Variants in MTUS2 observed in about 807,000 individuals in gnomAD.
MTUS2 encodes microtubule associated scaffold protein 2, also known as microtubule-associated tumor suppressor candidate 2.
MTUS2 carries 40 observed loss-of-function variants against 114.1 expected under a neutral mutation model. That is an observed-to-expected ratio of 0.35 (90% CI 0.27 to 0.46). MTUS2 has a LOEUF of 0.46. Among genes scored for constraint, MTUS2 ranks in the 20% least tolerant of loss-of-function variants. The pLI, the probability that MTUS2 is intolerant of heterozygous loss-of-function variation, is 1.00. For missense variants in MTUS2, 1,679 were observed against 1,705.4 expected, an observed-to-expected ratio of 0.98 and a Z score of 0.27; for synonymous variants, 688 against 672.0, an observed-to-expected ratio of 1.02 and a Z score of -0.37.
chr13:28,967,794 A>G (rs756313437), intron 2 of MTUS2, among the ~76,000 whole-genome samples: 8 of 152,076 alleles, frequency 5.3e-5, no homozygotes, highest in Non-Finnish European at 1.0e-4. Flanking sequence ...AGCCCAGCAT[A>G]TGTTCCAGGA....
chr13:29,356,997 G>A (rs930417343), intron 7 of MTUS2, among the ~76,000 whole-genome samples: 3 of 152,146 alleles, frequency 2.0e-5, no homozygotes, highest in Admixed American at 6.5e-5. Context: ...CGGGTTGTTC[G>A]CTGGCCCCAG....
intron 4 of MTUS2, among the ~76,000 whole-genome samples, chr13:29,092,332 C>CT (rs371351377): frequency 2.8e-4 from 42 of 151,912 alleles, no homozygotes; most frequent in Admixed American, 6.6e-4. Context: ...TTGTTTTAGC[C>CT]TTTTTTTTGC....
At chr13:29,091,569 C>A (rs1889952349) in intron 4 of MTUS2, among the ~76,000 whole-genome samples, 3 of 152,118 alleles carry the variant, frequency 2.0e-5, no homozygotes, top group African/African-American at 7.2e-5. Flanking sequence ...TCACATGATC[C>A]AGTCTTCCCC....
At chr13:29,317,795 GA>G (rs1900069469) in intron 6 of MTUS2, among the ~76,000 whole-genome samples, 1 of 151,936 alleles carries the variant, frequency 6.6e-6, no homozygotes, top group Non-Finnish European at 1.5e-5. Flanking sequence ...TATTCTGATC[GA>G]GATAATGTTT....
intron 3 of MTUS2, among the ~76,000 whole-genome samples, chr13:29,032,661 T>G (rs1720863463): frequency 6.6e-6 from 1 of 152,226 alleles, no homozygotes; most frequent in African/African-American, 2.4e-5. Flanking sequence ...AGGCCTAATC[T>G]TTTGTTTCTA....
intron 5 of MTUS2, among the ~76,000 whole-genome samples, chr13:29,265,250 A>G (rs1012936650): frequency 6.6e-6 from 1 of 152,202 alleles, no homozygotes; most frequent in Non-Finnish European, 1.5e-5. Context: ...TGTAACATGG[A>G]TGACCTTTGC....
intron 2 of MTUS2, among the ~76,000 whole-genome samples, chr13:29,017,643 G>A (rs1478375633): frequency 1.3e-5 from 2 of 151,872 alleles, no homozygotes; most frequent in East Asian, 3.9e-4. Context: ...CTCTTGGGAG[G>A]ACGTCTAACC....
intron 2 of MTUS2, among the ~76,000 whole-genome samples, chr13:28,868,910 G>C (rs1443619816): frequency 6.6e-6 from 1 of 152,166 alleles, no homozygotes; most frequent in Non-Finnish European, 1.5e-5. Flanking sequence ...CAGATCCCTT[G>C]TGCTCCTCTG....
intron 5 of MTUS2, among the ~76,000 whole-genome samples, chr13:29,233,514 G>A (rs536392173): frequency 2.0e-5 from 3 of 152,280 alleles, no homozygotes; most frequent in African/African-American, 4.8e-5. Flanking sequence ...TCTGAAGCAC[G>A]TAGCTGAATA....
intron 5 of MTUS2, among the ~76,000 whole-genome samples, chr13:29,200,455 A>G (rs1460924011): frequency 6.7e-6 from 1 of 149,842 alleles, no homozygotes; most frequent in Non-Finnish European, 1.5e-5. Flanking sequence ...TTTACCCAGT[A>G]GTCATTCAGG....
At chr13:29,105,943 T>C (rs928896763) in intron 5 of MTUS2, among the ~76,000 whole-genome samples, 3 of 152,182 alleles carry the variant, frequency 2.0e-5, no homozygotes, top group Non-Finnish European at 2.9e-5. Context: ...TTCCTGAATC[T>C]GAGGAGTTGC....
At chr13:29,003,772 T>C (rs3899583) in intron 2 of MTUS2, among the ~76,000 whole-genome samples, 2,722 of 151,924 alleles carry the variant, frequency 0.018, 82 homozygotes, top group African/African-American at 0.062. Context: ...AGCAAGGGAG[T>C]GCTGGGCATG....
chr13:29,440,883 G>C (rs567755992), intron 9 of MTUS2, among the ~76,000 whole-genome samples: 3 of 152,158 alleles, frequency 2.0e-5, no homozygotes, highest in Non-Finnish European at 4.4e-5. Context: ...TAGGCAGAAG[G>C]CTGAACTTCC....
At chr13:29,439,912 A>C in intron 8 of MTUS2, 71 bp from the exon 9 acceptor site, 1 of 1,141,640 alleles carries the variant, frequency 8.8e-7, no homozygotes, top group East Asian at 2.6e-5. Flanking sequence ...ACGATTCATT[A>C]ATTAATCATG....
intron 1 of MTUS2, among the ~76,000 whole-genome samples, chr13:28,824,128 G>T (rs1874101458): frequency 1.3e-5 from 2 of 152,172 alleles, no homozygotes; most frequent in African/African-American, 4.8e-5. Flanking sequence ...AGCCTCACTT[G>T]CATTCCTACC....
intron 8 of MTUS2, among the ~76,000 whole-genome samples, chr13:29,429,524 A>G (rs1013917864): frequency 2.6e-5 from 4 of 152,230 alleles, no homozygotes; most frequent in African/African-American, 4.8e-5. Flanking sequence ...GGAACTGAAA[A>G]TAGAGTATGC....
At chr13:29,233,845 G>A (rs1896431447) in intron 5 of MTUS2, among the ~76,000 whole-genome samples, 1 of 152,204 alleles carries the variant, frequency 6.6e-6, no homozygotes. Flanking sequence ...TCCCATTTCA[G>A]AAGGTTATTC....
chr13:29,054,929 A>G (rs1888062955), intron 4 of MTUS2, among the ~76,000 whole-genome samples: 3 of 152,012 alleles, frequency 2.0e-5, no homozygotes, highest in Admixed American at 2.0e-4. Context: ...CCATATGTTC[A>G]GGGAACACGC....
intron 2 of MTUS2, among the ~76,000 whole-genome samples, chr13:28,915,656 T>A (rs1880704711): frequency 6.6e-6 from 1 of 152,014 alleles, no homozygotes; most frequent in South Asian, 2.1e-4. Flanking sequence ...TTAGATTTTT[T>A]CCTATACAGT....
Sources: allele counts gnomAD v4.1 joint callset (sites outside exome capture counted in the v4.1 genomes callset), GRCh38; gene constraint gnomAD v4.1.1; transcripts MANE v1.5; gene names NCBI Gene and HGNC (gene_info 2026-07-23, HGNC 2026-07-21).